Variants in MTMR3 observed in about 807,000 individuals in gnomAD.
The protein encoded by MTMR3 is myotubularin related protein 3, also known as phosphatidylinositol-3,5-bisphosphate 3-phosphatase MTMR3.
In MTMR3, 32 loss-of-function variants were observed where a neutral mutation model predicts 132.4. The ratio of observed to expected loss-of-function variants is 0.24; its 90% CI spans 0.18 to 0.32. MTMR3 has a LOEUF of 0.32. Ranked by LOEUF, MTMR3 falls within the 10% of genes least tolerant of loss-of-function variation. MTMR3 has a pLI of 1.00. For synonymous variants in MTMR3, 556 were observed against 550.3 expected (o/e 1.01, Z -0.14); for missense variants, 1,216 against 1,489.6 (o/e 0.82, Z 3.02).
intron 7 of MTMR3, chr22:29,994,264 C>A: frequency 5.4e-6 from 2 of 370,674 alleles, no homozygotes; most frequent in Non-Finnish European, 7.5e-6. Flanking sequence ...TGTTAACCTG[C>A]CACCACTCAG....
chr22:29,953,994 A>G (rs1229248858), intron 1 of MTMR3, among the ~76,000 whole-genome samples: 1 of 144,554 alleles, frequency 6.9e-6, no homozygotes, highest in Non-Finnish European at 1.5e-5. Context: ...AAGGTACCTT[A>G]TGGTACCAGA....
intron 1 of MTMR3, among the ~76,000 whole-genome samples, chr22:29,923,665 T>C (rs894737961): frequency 5.3e-5 from 8 of 152,202 alleles, no homozygotes; most frequent in Non-Finnish European, 8.8e-5. Context: ...GGTTTGATTT[T>C]TGGTGATGGC....
chr22:30,010,764 C>T (rs1019475898), intron 12 of MTMR3: 3 of 152,160 alleles, frequency 2.0e-5, no homozygotes, highest in Admixed American at 1.3e-4. Flanking sequence ...TTCTCCTAAG[C>T]CTTATCTTTT....
chr22:29,998,922 A>C, intron 8 of MTMR3, 65 bp downstream of exon 8: 30 of 1,018,660 alleles, frequency 2.9e-5, no homozygotes, highest in Non-Finnish European at 3.9e-5. Context: ...CGCAATTCTC[A>C]TGTGGCAGAA....
intron 14 of MTMR3, 113 bp downstream of exon 14, chr22:30,013,654 A>AT (rs2067492183): frequency 9.9e-6 from 10 of 1,007,506 alleles, no homozygotes; most frequent in Non-Finnish European, 1.4e-5. Flanking sequence ...AATAGAGGTG[A>AT]TTTTTTTCCT....
intron 1 of MTMR3, among the ~76,000 whole-genome samples, chr22:29,916,214 T>C (rs1258483317): frequency 6.6e-6 from 1 of 152,210 alleles, no homozygotes; most frequent in Non-Finnish European, 1.5e-5. Context: ...GGCCTGAGTT[T>C]AGTAAGGTCT....
chr22:29,894,503 C>CGTGTGT lies in MTMR3; in HGVS notation c.-138+11173_-138+11178dup, dbSNP rs144670905. Among the ~76,000 whole-genome samples the CGTGTGT allele has an allele frequency of 5.8e-3, 853 of 147,270 alleles. 12 individuals carry two copies. Among genetic ancestry groups the CGTGTGT allele is most frequent in the South Asian group, 0.046 (207 of 4,536 alleles). ...AGCCCGAACTCCCAAGTTCTGTATCCGTGTGTGTGTGTGTGTGTGTGTGTG... is the reference window on the plus strand; with the variant it reads ...AGCCCGAACTCCCAAGTTCTGTATCCGTGTGTGTGTGTGTGTGTGTGTGTGTGTGTG... On this transcript the variant is annotated intron_variant, in intron 1 of 19. Coordinates refer to ENST00000401950, the MANE Select transcript of MTMR3 (RefSeq NM_021090.4).
intron 1 of MTMR3, among the ~76,000 whole-genome samples, chr22:29,953,497 C>G (rs2066123741): frequency 6.6e-6 from 1 of 152,108 alleles, no homozygotes; most frequent in Non-Finnish European, 1.5e-5. Flanking sequence ...GGCCTCTGTG[C>G]CCTTCGTTTT....
At chr22:29,903,796 C>T (rs530448453) in intron 1 of MTMR3, among the ~76,000 whole-genome samples, 4 of 152,220 alleles carry the variant, frequency 2.6e-5, no homozygotes, top group African/African-American at 9.6e-5. Context: ...CAGAGCTTTT[C>T]TCATTAATGT....
chr22:29,903,596 G>A (rs558575536), intron 1 of MTMR3, among the ~76,000 whole-genome samples: 30 of 151,826 alleles, frequency 2.0e-4, no homozygotes, highest in African/African-American at 6.5e-4. Context: ...ATGGGGTTGC[G>A]TCATGTTGCC....
Position 30,009,061 on chromosome 22 carries a change from CATTCAT to C in MTMR3, c.1054_1059del (p.Ile352_His353del). On this transcript the variant is annotated inframe_deletion, in exon 12 of 20. Transcript: ENST00000401950. ...AAGTTGTGTTTATGGGGATGGCAAA[CATTCAT>C]TCTATTCGGAGGAGTTTTCAGTCTC... The C allele has an allele frequency of 6.2e-7, 1 of 1,613,728 alleles. No individual in the cohort carries two copies. The highest frequency in any genetic ancestry group is 8.5e-7 in the Non-Finnish European group (1 of 1,179,640).
In MTMR3 at chr22:29,972,514, T is replaced by C. The variant is rs1279586337; in HGVS notation, c.3+1452T>C. Among the ~76,000 whole-genome samples, 5 of 152,184 alleles carry C rather than the reference T, an allele frequency of 3.3e-5. No homozygotes were observed. The South Asian group carries it at 1.0e-3, about 32-fold the overall frequency. ...TTTAGTTTCTCATAAAGTAGCATTG[T>C]TACAAGTTTTTACAAATTCTCATTT... On this transcript the variant is annotated intron_variant, in intron 3 of 19. Coordinates refer to ENST00000401950, the MANE Select transcript of MTMR3 (RefSeq NM_021090.4).
In MTMR3 at chr22:29,906,242, ATCCG is replaced by A. The variant is rs1204085970; in HGVS notation, c.-138+22886_-138+22889del. On this transcript the variant is annotated intron_variant, in intron 1 of 19. Transcript: ENST00000401950. ...ATATTTGTCTCACATTTATCCATCC[ATCCG>A]TCTGTCTGTCTGTCTGTCTGTCTGT... Among the ~76,000 whole-genome samples, 304 of 125,030 alleles carry A rather than the reference ATCCG, an allele frequency of 2.4e-3. 1 individual carries two copies. The highest frequency in any genetic ancestry group is 0.011 in the Middle Eastern group (3 of 272). The allele number at this position is 125,030 out of a possible 152,430, so 82.0% of individuals were successfully genotyped here.
chr22:29,990,408 G>C (rs1269067912), intron 6 of MTMR3: 2 of 152,156 alleles, frequency 1.3e-5, no homozygotes, highest in Non-Finnish European at 2.9e-5. Flanking sequence ...AGAGGTTTAA[G>C]TGACCCCTTG....
In MTMR3 at chr22:30,013,394, T is replaced by C. The variant is rs1569049761; in HGVS notation, c.1356T>C (p.Phe452=). The change falls in exon 14 of 20, where the codon TTT becomes TTC. Residue 452 remains phenylalanine, a synonymous_variant. Coordinates refer to ENST00000401950, the MANE Select transcript of MTMR3 (RefSeq NM_021090.4). ...TCGTGGAAATGGAGTGGCTGGATTT[T>C]GGCCATAAATTTGCTGACCGGTGTG... is the stretch of plus-strand genomic sequence containing the variant. The part of the protein sequence containing the change: ...QVLVEMEWLD[F]GHKFADRCGH... 6.2e-7 allele frequency: 1 copy of C among 1,614,062 alleles called. No homozygotes were observed.
intron 15 of MTMR3, 89 bp from the exon 16 acceptor site, chr22:30,017,838 A>G (rs2067636116): frequency 6.5e-6 from 10 of 1,547,656 alleles, no homozygotes; most frequent in African/African-American, 1.4e-5. Context: ...TGGGTATTCC[A>G]GCTGGGTGCT....
At chr22:29,982,011 CA>C (rs2066756109) in intron 5 of MTMR3, 1 of 151,706 alleles carries the variant, frequency 6.6e-6, no homozygotes, top group East Asian at 1.9e-4. Context: ...AGAGCAAGAC[CA>C]TCCTGGCTAA....
intron 9 of MTMR3, chr22:30,005,786 C>G (rs73883355): frequency 2.6e-4 from 40 of 152,206 alleles, no homozygotes; most frequent in African/African-American, 9.4e-4. Flanking sequence ...TCCCAAAAAA[C>G]CCATTCACAG....
At chr22:29,909,971 C>T (rs1314918046) in intron 1 of MTMR3, among the ~76,000 whole-genome samples, 5 of 151,750 alleles carry the variant, frequency 3.3e-5, no homozygotes, top group Admixed American at 1.3e-4. Context: ...CTGGCTAACA[C>T]GGTGAAACCC....
Sources: gnomAD v4.1 joint callset for allele counts (sites outside exome capture counted in the v4.1 genomes callset) on GRCh38, gnomAD v4.1.1 for gene constraint, MANE v1.5 for transcripts, NCBI Gene and HGNC (gene_info 2026-07-23, HGNC 2026-07-21) for gene names.